Variants in SCGB2B2 observed in about 807,000 individuals in gnomAD.
The protein encoded by SCGB2B2 is secretoglobin-like protein.
SCGB2B2 carries 11 observed loss-of-function variants against 7.6 expected under a neutral mutation model. The observed-to-expected ratio is 1.45, with a 90% CI of 0.91 to 2.40. The LOEUF is 2.40. Ranked by LOEUF, SCGB2B2 falls within the 30% of genes most tolerant of loss-of-function variation. The pLI is 0.00. For synonymous variants in SCGB2B2, 50 were observed against 48.6 expected (o/e 1.03, Z -0.12); for missense variants, 104 against 115.4 (o/e 0.90, Z 0.45).
chr19:34,605,448 T>C (rs2065749929), intron 1 of SCGB2B2, among the ~76,000 whole-genome samples: 1 of 152,224 alleles, frequency 6.6e-6, no homozygotes, highest in South Asian at 2.1e-4. Context: ...ACCAGCTTGT[T>C]CTTCATTCCG....
intron 1 of SCGB2B2, among the ~76,000 whole-genome samples, chr19:34,648,795 A>G (rs1442573859): frequency 6.6e-6 from 1 of 151,914 alleles, no homozygotes; most frequent in East Asian, 1.9e-4. Flanking sequence ...TTTTAAATGC[A>G]AAAAGAACAT....
At position 34,593,578 on chromosome 19, in the gene SCGB2B2, C is replaced by G. The variant is rs529478971; in HGVS notation, c.268G>C (p.Asp90His). ...GATCAGAAGGCTGCTTCTATGCAATCGTTGCTCTGAAGGATCTTCTTCTGT... is the reference window on the plus strand; with the variant it reads ...GATCAGAAGGCTGCTTCTATGCAATGGTTGCTCTGAAGGATCTTCTTCTGT... ...VVIKKILQSN[D>H]CIEAAF The change falls in exon 4 of 4, where the codon GAT (aspartate) becomes CAT (histidine). Residue 90 changes from aspartate to histidine, a missense_variant. Transcript: ENST00000601241. 1.8e-4 allele frequency: 277 copies of G among 1,553,692 alleles called. 3 individuals are homozygous for G. In the South Asian group the frequency reaches 3.1e-3, roughly 17 times the overall value.
rs2067963363 is a variant in SCGB2B2 at position 34,676,695 on chromosome 19, C to CT, written c.-3098dup. 1 of 152,176 alleles carries CT rather than the reference C, an allele frequency of 6.6e-6. No individual in the cohort carries two copies. The highest frequency in any genetic ancestry group is 2.4e-5 in the African/African-American group (1 of 41,434). The allele number at this position is 152,176 out of a possible 1,614,324, so 9.4% of individuals were successfully genotyped here. A position where few individuals can be genotyped will look rare whatever the true frequency, so the allele number is the denominator to read the frequency against. The stretch of plus-strand genomic sequence containing the variant: ...CCCCTTTCTGGTAACAGAAGCACTG[C>CT]TTCACGAAGATCATGCAGGTCAGTA... On this transcript the variant is annotated 5_prime_UTR_variant, in exon 1 of 4. It introduces an in-frame stop codon into an upstream open reading frame of the 5' UTR. Coordinates refer to ENST00000601241, the MANE Select transcript of SCGB2B2 (RefSeq NM_001025591.4).
At chr19:34,662,364 A>G (rs1210473771) in intron 1 of SCGB2B2, among the ~76,000 whole-genome samples, 1 of 152,164 alleles carries the variant, frequency 6.6e-6, no homozygotes. Context: ...AGAGACCTCA[A>G]TGGGCAATCC....
chr19:34,667,256 G>C (rs1283395273), intron 1 of SCGB2B2, among the ~76,000 whole-genome samples: 8 of 152,082 alleles, frequency 5.3e-5, no homozygotes, highest in Non-Finnish European at 8.8e-5. Context: ...CTCAACCTCT[G>C]CTGTCAACCC....
chr19:34,639,510 TA>T (rs1255637576), intron 1 of SCGB2B2, among the ~76,000 whole-genome samples: 1 of 152,316 alleles, frequency 6.6e-6, no homozygotes, highest in East Asian at 1.9e-4. Context: ...GTATCATAAG[TA>T]ATTGCTATAT....
intron 1 of SCGB2B2, among the ~76,000 whole-genome samples, chr19:34,672,010 G>A (rs1212383000): frequency 6.6e-6 from 1 of 152,126 alleles, no homozygotes. Context: ...TTGTGGTGGT[G>A]CACTCCCATA....
In SCGB2B2 at chr19:34,613,356, C is replaced by T. The variant is rs1342861806; in HGVS notation, c.-2031-16762G>A. 2.0e-5 allele frequency among the ~76,000 whole-genome samples: 3 copies of T among 152,206 alleles called. No homozygotes were observed. The South Asian group carries it at 6.2e-4, about 32-fold the overall frequency. On this transcript the variant is annotated intron_variant, in intron 1 of 3. Coordinates refer to ENST00000601241, the MANE Select transcript of SCGB2B2 (RefSeq NM_001025591.4). ...TCAAGTGATCTGTCCCCCTTGGCCT[C>T]CCAAAGTGCTGGGATTACAGGTGTG...
intron 1 of SCGB2B2, among the ~76,000 whole-genome samples, chr19:34,641,005 G>A (rs1279961454): frequency 6.6e-6 from 1 of 151,968 alleles, no homozygotes; most frequent in Non-Finnish European, 1.5e-5. Context: ...TACTATTAAT[G>A]CCCTAGCCCA....
chr19:34,593,576 A>T lies in SCGB2B2; in HGVS notation c.270T>A (p.Asp90Glu), dbSNP rs776925828. Residue 90 changes from aspartate (D) to glutamate (E), a missense_variant, in exon 4 of 4, where the codon GAT (aspartate) becomes GAA (glutamate). By Grantham distance (45) the Asp-to-Glu change is conservative (BLOSUM62 2). Transcript: ENST00000601241. ...CAGATCAGAAGGCTGCTTCTATGCA[A>T]TCGTTGCTCTGAAGGATCTTCTTCT... ...VVIKKILQSN[D>E]CIEAAF The T allele has an allele frequency of 2.6e-6, 4 of 1,553,834 alleles. No individual in the cohort carries two copies. The highest frequency in any genetic ancestry group is 1.9e-5 in the Admixed American group (1 of 51,580).
intron 1 of SCGB2B2, among the ~76,000 whole-genome samples, chr19:34,654,952 G>A (rs2067244908): frequency 6.6e-6 from 1 of 151,124 alleles, no homozygotes; most frequent in Non-Finnish European, 1.5e-5. Flanking sequence ...GAATCCTTCG[G>A]GCACTTACAC....
chr19:34,654,447 C>T lies in SCGB2B2; in HGVS notation c.-2032+21183G>A, dbSNP rs1030598010. Among the ~76,000 whole-genome samples, 3 of 151,110 alleles carry T rather than the reference C, an allele frequency of 2.0e-5. 1 individual carries two copies. The highest frequency in any genetic ancestry group is 7.4e-5 in the African/African-American group (3 of 40,470). ...ACACTTTAGATAAACATACTTGTTACAGGTCAATTATATGTTAATAAAGCT... is the reference window on the plus strand; with the variant it reads ...ACACTTTAGATAAACATACTTGTTATAGGTCAATTATATGTTAATAAAGCT... On this transcript the variant is annotated intron_variant, in intron 1 of 3. Transcript: ENST00000601241.
At chr19:34,597,000 G>A (rs926652711) in intron 1 of SCGB2B2, among the ~76,000 whole-genome samples, 3 of 151,618 alleles carry the variant, frequency 2.0e-5, no homozygotes, top group Non-Finnish European at 2.9e-5. Context: ...GGCTTCCTGA[G>A]GACCTGAGGC....
At chr19:34,624,269 C>A (rs1402421696) in intron 1 of SCGB2B2, among the ~76,000 whole-genome samples, 1 of 152,146 alleles carries the variant, frequency 6.6e-6, no homozygotes, top group Non-Finnish European at 1.5e-5. Flanking sequence ...AGGAATAAAA[C>A]AACCCAAATG....
At position 34,673,114 on chromosome 19, in the gene SCGB2B2, A is replaced by T. The variant is rs2067841542; in HGVS notation, c.-2032+2516T>A. The stretch of plus-strand genomic sequence containing the variant: ...CAGATAAATCCCAACAGCAAAAATT[A>T]CTGATTGTAAACACTGCATTATTTT... On this transcript the variant is annotated intron_variant, in intron 1 of 3. Transcript: ENST00000601241. 2.0e-5 allele frequency among the ~76,000 whole-genome samples: 3 copies of T among 152,324 alleles called. No homozygotes were observed. The South Asian group carries it at 6.2e-4, about 32-fold the overall frequency.
chr19:34,628,102 T>G (rs2066427614), intron 1 of SCGB2B2, among the ~76,000 whole-genome samples: 2 of 146,176 alleles, frequency 1.4e-5, no homozygotes, highest in African/African-American at 4.9e-5. Context: ...TACCAGAATC[T>G]CTGGGACACA....
chr19:34,648,820 T>G (rs1370011988), intron 1 of SCGB2B2, among the ~76,000 whole-genome samples: 1 of 151,978 alleles, frequency 6.6e-6, no homozygotes, highest in Non-Finnish European at 1.5e-5. Context: ...CATTATTTAT[T>G]TTAGAAATTC....
chr19:34,600,787 G>C (rs1221169092), intron 1 of SCGB2B2, among the ~76,000 whole-genome samples: 1 of 152,036 alleles, frequency 6.6e-6, no homozygotes, highest in Non-Finnish European at 1.5e-5. Context: ...GCCCTTGTTT[G>C]GTTAGTTGTT....
intron 1 of SCGB2B2, among the ~76,000 whole-genome samples, chr19:34,613,612 G>A (rs779696730): frequency 7.9e-5 from 12 of 152,128 alleles, no homozygotes; most frequent in Non-Finnish European, 1.3e-4. Flanking sequence ...TATATCCTTT[G>A]TTGTTTTCTT....
Sources: allele counts gnomAD v4.1 joint callset (sites outside exome capture counted in the v4.1 genomes callset), GRCh38; gene constraint gnomAD v4.1.1; transcripts MANE v1.5; gene names NCBI Gene and HGNC (gene_info 2026-07-23, HGNC 2026-07-21).